LRFN5: variants seen among roughly 807,000 people sequenced by gnomAD.
LRFN5 encodes leucine rich repeat and fibronectin type III domain containing 5.
LRFN5 carries 24 observed loss-of-function variants against 45.6 expected under a neutral mutation model. That is an observed-to-expected ratio of 0.53 (90% CI 0.38 to 0.74). The LOEUF is 0.74. Ranked by LOEUF, LRFN5 falls within the 30% of genes least tolerant of loss-of-function variation. The pLI, the probability that LRFN5 is intolerant of heterozygous loss-of-function variation, is 0.00. For synonymous variants in LRFN5, 340 were observed against 313.8 expected, an observed-to-expected ratio of 1.08 and a Z score of -0.88; for missense variants, 776 against 861.5, an observed-to-expected ratio of 0.90 and a Z score of 1.24.
At chr14:41,704,408 TTCTCTCTCTCTCTC>T (rs141458106) in intron 1 of LRFN5, among the ~76,000 whole-genome samples, 9 of 102,348 alleles carry the variant, frequency 8.8e-5, no homozygotes, top group Admixed American at 2.1e-4. Context: ...TGTTATACTT[TTCTCTCTCTCTCTC>T]TCTCTCTCTC....
chr14:41,669,168 AT>A (rs1196236034), intron 1 of LRFN5, among the ~76,000 whole-genome samples: 2 of 152,060 alleles, frequency 1.3e-5, no homozygotes, highest in African/African-American at 2.4e-5. Flanking sequence ...GAGGTAAAAC[AT>A]TTATATGTAA....
chr14:41,738,754 C>A (rs1000351664), intron 1 of LRFN5, among the ~76,000 whole-genome samples: 5 of 152,242 alleles, frequency 3.3e-5, no homozygotes, highest in African/African-American at 1.2e-4. Context: ...AATATTCTCC[C>A]TTTAACTTTT....
At chr14:41,822,896 A>G (rs1462783107) in intron 2 of LRFN5, among the ~76,000 whole-genome samples, 3 of 136,060 alleles carry the variant, frequency 2.2e-5, no homozygotes, top group Non-Finnish European at 4.7e-5. Flanking sequence ...CTCATTATAT[A>G]ATTATCTTCT....
Position 41,883,510 on chromosome 14 carries a change from A to G in LRFN5, c.-20-3096A>G, listed in dbSNP as rs545150073. On this transcript the variant is annotated intron_variant, in intron 2 of 5. Coordinates refer to ENST00000298119, the MANE Select transcript of LRFN5 (RefSeq NM_152447.5). ...CATATAAGTGCAGGTTTGCTGGTGA[A>G]GAAACTGTTTCTCTTAAAATTTCTT... 1.1e-3 allele frequency among the ~76,000 whole-genome samples: 173 copies of G among 152,276 alleles called. 2 individuals carry two copies. Among genetic ancestry groups the G allele is most frequent in the Non-Finnish European group, 1.9e-3 (132 of 68,024 alleles).
chr14:41,729,813 T>G (rs181927433), intron 1 of LRFN5, among the ~76,000 whole-genome samples: 1 of 151,970 alleles, frequency 6.6e-6, no homozygotes, highest in African/African-American at 2.4e-5. Flanking sequence ...TTCATTTTTT[T>G]AAAAAAATAC....
At chr14:41,772,550 A>G (rs1278009008) in intron 2 of LRFN5, among the ~76,000 whole-genome samples, 1 of 152,068 alleles carries the variant, frequency 6.6e-6, no homozygotes, top group Non-Finnish European at 1.5e-5. Context: ...CTTATGCAGC[A>G]TTCACTTTGC....
intron 1 of LRFN5, among the ~76,000 whole-genome samples, chr14:41,754,700 T>C (rs2138852629): frequency 6.6e-6 from 1 of 152,292 alleles, no homozygotes; most frequent in East Asian, 1.9e-4. Flanking sequence ...ATTTTGTTGA[T>C]CTTTTCAAAA....
intron 1 of LRFN5, among the ~76,000 whole-genome samples, chr14:41,734,238 C>T (rs1322898532): frequency 7.1e-6 from 1 of 140,070 alleles, no homozygotes; most frequent in Non-Finnish European, 1.5e-5. Flanking sequence ...TCTTGAACTC[C>T]TGACCTCAGG....
At chr14:41,745,456 C>T (rs1884883143) in intron 1 of LRFN5, among the ~76,000 whole-genome samples, 1 of 152,014 alleles carries the variant, frequency 6.6e-6, no homozygotes, top group Non-Finnish European at 1.5e-5. Flanking sequence ...AACAACCCAA[C>T]TTTACAATTT....
intron 2 of LRFN5, among the ~76,000 whole-genome samples, chr14:41,796,256 G>A (rs2138957547): frequency 6.6e-6 from 1 of 151,964 alleles, no homozygotes; most frequent in East Asian, 1.9e-4. Flanking sequence ...TAATAGTAAT[G>A]TTATTGTAGA....
At chr14:41,655,113 C>CTA (rs1164469063) in intron 1 of LRFN5, among the ~76,000 whole-genome samples, 1 of 151,922 alleles carries the variant, frequency 6.6e-6, no homozygotes, top group African/African-American at 2.4e-5. Context: ...GGTTTGTGAC[C>CTA]TATACTCTTA....
intron 4 of LRFN5, 82 bp from the exon 5 acceptor site, chr14:41,898,835 C>T: frequency 7.7e-7 from 1 of 1,291,406 alleles, no homozygotes; most frequent in East Asian, 2.4e-5. Context: ...TGAAGTATTA[C>T]CAAGATTTCA....
chr14:41,781,689 AAAG>A (rs1448289494), intron 2 of LRFN5, among the ~76,000 whole-genome samples: 2 of 151,576 alleles, frequency 1.3e-5, no homozygotes, highest in Non-Finnish European at 1.5e-5. Context: ...AAAGAGAAAG[AAAG>A]AAAAAGAGAA....
At chr14:41,729,424 C>G (rs1016566980) in intron 1 of LRFN5, among the ~76,000 whole-genome samples, 1 of 152,054 alleles carries the variant, frequency 6.6e-6, no homozygotes, top group Non-Finnish European at 1.5e-5. Context: ...TACCCATACT[C>G]CCTGTAGAAC....
intron 2 of LRFN5, among the ~76,000 whole-genome samples, chr14:41,831,943 C>A (rs948713137): frequency 1.3e-4 from 20 of 152,106 alleles, no homozygotes; most frequent in African/African-American, 4.6e-4. Context: ...TCCACCTTCT[C>A]CTTGTCCTCA....
chr14:41,698,508 A>G lies in LRFN5; in HGVS notation c.-196-68346A>G, dbSNP rs572727830. ...AATACCATTGCCTGGGCCATACCCT[A>G]GACTAAATTGGAGCCTGTGGGTTTG... On this transcript the variant is annotated intron_variant, in intron 1 of 5. Transcript: ENST00000298119. 7.0e-4 allele frequency among the ~76,000 whole-genome samples: 106 copies of G among 152,118 alleles called. 1 individual carries two copies. The highest frequency in any genetic ancestry group is 3.1e-3 in the Admixed American group (48 of 15,244).
intron 2 of LRFN5, among the ~76,000 whole-genome samples, chr14:41,869,618 A>G (rs1004172719): frequency 2.0e-5 from 3 of 152,134 alleles, no homozygotes; most frequent in African/African-American, 7.2e-5. Flanking sequence ...ATAATTTATA[A>G]AGAAAAAGAG....
chr14:41,857,976 G>A (rs1027950824), intron 2 of LRFN5, among the ~76,000 whole-genome samples: 41 of 152,158 alleles, frequency 2.7e-4, no homozygotes, highest in Admixed American at 5.2e-4. Context: ...AGTTCCAACA[G>A]GGAATGTTGA....
At chr14:41,873,486 C>T (rs934657061) in intron 2 of LRFN5, among the ~76,000 whole-genome samples, 6 of 151,356 alleles carry the variant, frequency 4.0e-5, no homozygotes, top group African/African-American at 1.5e-4. Flanking sequence ...TAAAATCTTC[C>T]ATATGGTGTT....
Sources: allele counts gnomAD v4.1 joint callset (sites outside exome capture counted in the v4.1 genomes callset), GRCh38; gene constraint gnomAD v4.1.1; transcripts MANE v1.5; gene names NCBI Gene and HGNC (gene_info 2026-07-23, HGNC 2026-07-21).